DOCK3: variants seen among roughly 807,000 people sequenced by gnomAD.
DOCK3 encodes dedicator of cytokinesis protein 3.
In DOCK3, 60 loss-of-function variants were observed where a neutral mutation model predicts 265.6. That is an observed-to-expected ratio of 0.23 (90% CI 0.18 to 0.28). The LOEUF (loss-of-function observed/expected upper bound fraction) is 0.28. Among genes scored for constraint, DOCK3 ranks in the 10% least tolerant of loss-of-function variants. The probability of loss-of-function intolerance (pLI) is 1.00; values close to 1 mark genes in which losing one functional copy is unlikely to be tolerated. For missense variants in DOCK3, 1,981 were observed against 2,594.3 expected, an observed-to-expected ratio of 0.76 and a Z score of 5.14; for synonymous variants, 881 against 938.0, an observed-to-expected ratio of 0.94 and a Z score of 1.11.
At chr3:51,059,560 C>T (rs2081335689) in intron 5 of DOCK3, among the ~76,000 whole-genome samples, 1 of 151,944 alleles carries the variant, frequency 6.6e-6, no homozygotes, top group Admixed American at 6.6e-5. Context: ...ATGGAACTAA[C>T]TTTCTGGTCA....
chr3:50,861,631 G>C (rs2046912541), intron 3 of DOCK3, among the ~76,000 whole-genome samples: 1 of 152,066 alleles, frequency 6.6e-6, no homozygotes, highest in African/African-American at 2.4e-5. Context: ...ATATATTTGA[G>C]ATAGTTAAAT....
chr3:51,259,070 G>A (rs1043485416), intron 22 of DOCK3, among the ~76,000 whole-genome samples: 9 of 152,164 alleles, frequency 5.9e-5, no homozygotes, highest in Non-Finnish European at 2.9e-5. Flanking sequence ...TATAGACTAG[G>A]CATTAAAAAG....
At chr3:51,207,109 G>A (rs889973752) in intron 12 of DOCK3, among the ~76,000 whole-genome samples, 6 of 152,210 alleles carry the variant, frequency 3.9e-5, no homozygotes, top group African/African-American at 1.4e-4. Flanking sequence ...GCCCAGGAAG[G>A]CTTGTAGGGT....
chr3:50,809,577 A>G (rs2043621890), intron 2 of DOCK3, among the ~76,000 whole-genome samples: 1 of 152,216 alleles, frequency 6.6e-6, no homozygotes. Flanking sequence ...TATGAACCCA[A>G]CAGCAAAATA....
chr3:51,091,094 C>T (rs541267322), intron 9 of DOCK3, among the ~76,000 whole-genome samples: 1 of 152,272 alleles, frequency 6.6e-6, no homozygotes, highest in Admixed American at 6.5e-5. Flanking sequence ...AAATGATGCA[C>T]CCATTGATCA....
intron 22 of DOCK3, 133 bp downstream of exon 22, chr3:51,246,940 T>G: frequency 1.2e-6 from 1 of 862,782 alleles, no homozygotes; most frequent in Non-Finnish European, 1.8e-6. Context: ...ACTGTCTTGA[T>G]CCACATAATT....
intron 3 of DOCK3, among the ~76,000 whole-genome samples, chr3:50,845,489 CAT>C (rs1438150462): frequency 3.3e-5 from 5 of 152,122 alleles, no homozygotes; most frequent in Admixed American, 6.5e-5. Context: ...AATTGCAAGA[CAT>C]ATTCATGGAA....
In DOCK3 at chr3:51,109,564, CA is replaced by C. The variant is rs531026113; in HGVS notation, c.746+19182del. On this transcript the variant is annotated intron_variant, in intron 9 of 52. Coordinates refer to ENST00000266037, the MANE Select transcript of DOCK3 (RefSeq NM_004947.5). ...TGAGACACAAAAAAATTCAAAAGAT[CA>C]ATGAATCAAGATGATTTTTTGAAAA... 4.2e-3 allele frequency among the ~76,000 whole-genome samples: 633 copies of C among 152,032 alleles called. 1 individual carries two copies. Among genetic ancestry groups the C allele is most frequent in the Middle Eastern group, 6.8e-3 (2 of 292 alleles).
At chr3:50,896,384 C>G (rs1368974380) in intron 4 of DOCK3, among the ~76,000 whole-genome samples, 1 of 150,824 alleles carries the variant, frequency 6.6e-6, no homozygotes, top group Non-Finnish European at 1.5e-5. Context: ...TTTGTAGATT[C>G]AGGATATTGT....
chr3:51,192,451 A>G (rs915135506), intron 12 of DOCK3, among the ~76,000 whole-genome samples: 4 of 151,334 alleles, frequency 2.6e-5, no homozygotes, highest in Non-Finnish European at 5.9e-5. Flanking sequence ...CCAATGCCTC[A>G]CAATTCAGCC....
At chr3:50,924,858 A>G (rs1165529899) in intron 4 of DOCK3, among the ~76,000 whole-genome samples, 4 of 152,214 alleles carry the variant, frequency 2.6e-5, no homozygotes, top group African/African-American at 9.6e-5. Flanking sequence ...ACTGGGGACA[A>G]TTATGCGGGT....
At chr3:51,220,638 C>A (rs2090027654) in intron 14 of DOCK3, among the ~76,000 whole-genome samples, 1 of 113,262 alleles carries the variant, frequency 8.8e-6, no homozygotes, top group African/African-American at 3.5e-5. Flanking sequence ...GCCTTGGCAA[C>A]AGAGCAAGAC....
intron 5 of DOCK3, among the ~76,000 whole-genome samples, chr3:51,044,701 T>G (rs138081832): frequency 1.2e-3 from 183 of 152,244 alleles, no homozygotes; most frequent in Non-Finnish European, 2.0e-3. Context: ...TCATCAGTGA[T>G]CTTAGCTAGA....
chr3:51,004,136 C>G lies in DOCK3; in HGVS notation c.316-60312C>G, dbSNP rs1412514614. Reference sequence around the variant, plus strand: ...CAGTAAAAATGATGTGGGTTGTCATCTTTGAGATTAAGTTATAAAGACTGG... The same window carrying G: ...CAGTAAAAATGATGTGGGTTGTCATGTTTGAGATTAAGTTATAAAGACTGG... On this transcript the variant is annotated intron_variant, in intron 5 of 52. Coordinates refer to ENST00000266037, the MANE Select transcript of DOCK3 (RefSeq NM_004947.5). Among the ~76,000 whole-genome samples the G allele has an allele frequency of 2.0e-5, 3 of 151,998 alleles. No individual in the cohort carries two copies. In the East Asian group the frequency reaches 5.8e-4, roughly 29 times the overall value.
chr3:51,172,271 G>A (rs12633048), intron 12 of DOCK3, among the ~76,000 whole-genome samples: 6 of 151,966 alleles, frequency 3.9e-5, no homozygotes, highest in East Asian at 3.9e-4. Context: ...CGCCTCCCGG[G>A]TTCCAGCAAT....
chr3:51,132,963 G>T (rs985262448), intron 9 of DOCK3, among the ~76,000 whole-genome samples: 10 of 152,068 alleles, frequency 6.6e-5, no homozygotes, highest in Admixed American at 6.5e-4. Context: ...GATACATGCT[G>T]TGCTGCCTGA....
chr3:50,718,847 C>T (rs140302374), intron 1 of DOCK3, among the ~76,000 whole-genome samples: 74 of 145,216 alleles, frequency 5.1e-4, no homozygotes, highest in African/African-American at 3.0e-4. Flanking sequence ...TGCAGTGGCA[C>T]GATCTCGGCT....
chr3:51,206,419 A>C (rs1489174931), intron 12 of DOCK3, among the ~76,000 whole-genome samples: 2 of 152,194 alleles, frequency 1.3e-5, no homozygotes, highest in Non-Finnish European at 2.9e-5. Flanking sequence ...CCTAAAATAT[A>C]ATAGGTATTC....
chr3:51,272,286 T>TC (rs1207778814), intron 24 of DOCK3, among the ~76,000 whole-genome samples: 19 of 151,410 alleles, frequency 1.3e-4, no homozygotes, highest in African/African-American at 4.6e-4. Context: ...TTGACTTTTT[T>TC]TTTTTTTTGA....
Sources: gnomAD v4.1 joint callset for allele counts (sites outside exome capture counted in the v4.1 genomes callset) on GRCh38, gnomAD v4.1.1 for gene constraint, MANE v1.5 for transcripts, NCBI Gene and HGNC (gene_info 2026-07-23, HGNC 2026-07-21) for gene names.